HS3ST5: variants seen among roughly 807,000 people sequenced by gnomAD.
The protein encoded by HS3ST5 is heparan sulfate-glucosamine 3-sulfotransferase 5.
A neutral mutation model predicts 25.4 loss-of-function variants in HS3ST5; 10 were observed. The ratio of observed to expected loss-of-function variants is 0.39; its 90% CI spans 0.24 to 0.67. The LOEUF is 0.67. Ranked by LOEUF, HS3ST5 falls within the 30% of genes least tolerant of loss-of-function variation. The pLI is 0.44. For missense variants in HS3ST5, 324 were observed against 420.7 expected, an observed-to-expected ratio of 0.77 and a Z score of 2.01; for synonymous variants, 170 against 162.4, an observed-to-expected ratio of 1.05 and a Z score of -0.36.
chr6:114,302,328 A>G (rs1268319989), intron 1 of HS3ST5, among the ~76,000 whole-genome samples: 3 of 152,210 alleles, frequency 2.0e-5, no homozygotes, highest in Non-Finnish European at 4.4e-5. Flanking sequence ...TTATTTCATG[A>G]TCACTAGAAT....
At chr6:114,252,768 A>T (rs554400774) in intron 1 of HS3ST5, among the ~76,000 whole-genome samples, 2 of 152,306 alleles carry the variant, frequency 1.3e-5, no homozygotes, top group East Asian at 3.9e-4. Context: ...TCTGCCCTTT[A>T]TGTATTTTCA....
intron 2 of HS3ST5, among the ~76,000 whole-genome samples, chr6:114,180,251 A>G (rs1245889805): frequency 6.6e-6 from 1 of 152,142 alleles, no homozygotes; most frequent in Non-Finnish European, 1.5e-5. Context: ...GGACATGGGG[A>G]TCCTATACTG....
At chr6:114,265,125 T>A (rs776625747) in intron 1 of HS3ST5, among the ~76,000 whole-genome samples, 2 of 152,026 alleles carry the variant, frequency 1.3e-5, no homozygotes, top group Non-Finnish European at 2.9e-5. Flanking sequence ...CCTCAAGAGA[T>A]CTTCTGGCCT....
At chr6:114,158,239 T>C (rs989947142) in intron 3 of HS3ST5, among the ~76,000 whole-genome samples, 3 of 152,220 alleles carry the variant, frequency 2.0e-5, no homozygotes, top group Non-Finnish European at 4.4e-5. Context: ...AGGTACTCAA[T>C]AAATATTTGT....
chr6:114,268,120 G>A (rs1281017006), intron 1 of HS3ST5, among the ~76,000 whole-genome samples: 1 of 152,108 alleles, frequency 6.6e-6, no homozygotes, highest in East Asian at 1.9e-4. Context: ...CACTGGCCTT[G>A]TGGCTTTGTC....
At chr6:114,175,234 G>C (rs112905040) in intron 2 of HS3ST5, among the ~76,000 whole-genome samples, 7 of 152,264 alleles carry the variant, frequency 4.6e-5, no homozygotes, top group South Asian at 2.1e-4. Context: ...GTTGTGACTG[G>C]AAAAGAAAAT....
chr6:114,116,677 C>G (rs553876307), intron 3 of HS3ST5, among the ~76,000 whole-genome samples: 51 of 152,196 alleles, frequency 3.4e-4, no homozygotes, highest in Non-Finnish European at 4.4e-5. Context: ...CACTTCCCAC[C>G]TCCTTCCCCA....
intron 3 of HS3ST5, among the ~76,000 whole-genome samples, chr6:114,126,229 T>TA (rs1203844232): frequency 6.6e-6 from 1 of 151,972 alleles, no homozygotes; most frequent in African/African-American, 2.4e-5. Flanking sequence ...AGAGTGAAAA[T>TA]AAAAAAACAG....
At chr6:114,341,459 C>A (rs1341503668) in intron 1 of HS3ST5, among the ~76,000 whole-genome samples, 1 of 152,150 alleles carries the variant, frequency 6.6e-6, no homozygotes, top group Non-Finnish European at 1.5e-5. Context: ...ACGCTCCTTG[C>A]AGGTTGCCCT....
At chr6:114,186,581 T>C (rs542834509) in intron 2 of HS3ST5, among the ~76,000 whole-genome samples, 23 of 152,188 alleles carry the variant, frequency 1.5e-4, no homozygotes, top group African/African-American at 5.1e-4. Context: ...AAACAGAAGG[T>C]CTCTCCATAA....
chr6:114,061,946 C>CA (rs892464975), intron 4 of HS3ST5, among the ~76,000 whole-genome samples: 1 of 150,266 alleles, frequency 6.7e-6, no homozygotes. Context: ...AACTCCATCT[C>CA]AAAAAAAAAA....
chr6:114,058,391 T>G (rs1772901390), intron 4 of HS3ST5, among the ~76,000 whole-genome samples: 1 of 152,232 alleles, frequency 6.6e-6, no homozygotes, highest in Non-Finnish European at 1.5e-5. Flanking sequence ...ATGAATTTTT[T>G]TATTAGTGCT....
intron 3 of HS3ST5, among the ~76,000 whole-genome samples, chr6:114,126,362 T>A (rs1247421917): frequency 6.6e-6 from 1 of 152,122 alleles, no homozygotes; most frequent in Non-Finnish European, 1.5e-5. Context: ...CCTCAAGGTG[T>A]CCCAACCTTT....
chr6:114,109,415 A>G (rs1776154202), intron 3 of HS3ST5, among the ~76,000 whole-genome samples: 1 of 152,134 alleles, frequency 6.6e-6, no homozygotes, highest in Admixed American at 6.5e-5. Context: ...TGGCTGGGGA[A>G]GCTCACCTCC....
At chr6:114,266,153 C>T (rs1028910698) in intron 1 of HS3ST5, among the ~76,000 whole-genome samples, 5 of 152,126 alleles carry the variant, frequency 3.3e-5, no homozygotes, top group African/African-American at 9.7e-5. Flanking sequence ...TGTCAACTAC[C>T]GATGCCATAT....
chr6:114,321,689 T>C (rs1775977705), intron 1 of HS3ST5, among the ~76,000 whole-genome samples: 1 of 152,172 alleles, frequency 6.6e-6, no homozygotes, highest in South Asian at 2.1e-4. Context: ...TAAAGTCTAC[T>C]TCAAAGTATT....
intron 3 of HS3ST5, among the ~76,000 whole-genome samples, chr6:114,165,244 A>G (rs1309784016): frequency 6.6e-6 from 1 of 152,144 alleles, no homozygotes; most frequent in African/African-American, 2.4e-5. Context: ...CATTATACCT[A>G]CATTTTAAAA....
At chr6:114,130,095 A>G (rs1777254266) in intron 3 of HS3ST5, among the ~76,000 whole-genome samples, 1 of 152,216 alleles carries the variant, frequency 6.6e-6, no homozygotes, top group Non-Finnish European at 1.5e-5. Context: ...AGCCACATCT[A>G]TTGGTTCTGT....
intron 3 of HS3ST5, among the ~76,000 whole-genome samples, chr6:114,150,387 G>A (rs1778393251): frequency 6.6e-6 from 1 of 152,190 alleles, no homozygotes; most frequent in African/African-American, 2.4e-5. Flanking sequence ...ACTTATTAAA[G>A]TTTCCTAAGA....
Sources: allele counts gnomAD v4.1 joint callset (sites outside exome capture counted in the v4.1 genomes callset), GRCh38; gene constraint gnomAD v4.1.1; transcripts MANE v1.5; gene names NCBI Gene and HGNC (gene_info 2026-07-23, HGNC 2026-07-21).